JAK2: variants seen among roughly 807,000 people sequenced by gnomAD.
JAK2 encodes tyrosine-protein kinase JAK2.
Under a neutral mutation model 139.3 loss-of-function variants are expected in JAK2, and 86 were observed. The ratio of observed to expected loss-of-function variants is 0.62; its 90% CI spans 0.52 to 0.74. The LOEUF is 0.74. Ranked by LOEUF, JAK2 falls within the 30% of genes least tolerant of loss-of-function variation. The pLI is 0.00. For synonymous variants in JAK2, 490 were observed against 437.7 expected (o/e 1.12, Z -1.49); for missense variants, 1,421 against 1,360.3 (o/e 1.04, Z -0.70).
intron 2 of JAK2, among the ~76,000 whole-genome samples, chr9:4,999,303 A>G (rs1327494): frequency 0.25 from 37,758 of 152,170 alleles, 4,948 homozygotes; most frequent in South Asian, 0.32. Flanking sequence ...TGAAAGAATC[A>G]TGACATTGTA....
Position 5,064,995 on chromosome 9 carries a change from C to T in JAK2, c.1169C>T (p.Pro390Leu), listed in dbSNP as rs768074072. The T allele has an allele frequency of 1.2e-6, 2 of 1,608,456 alleles. No homozygotes were observed. Among genetic ancestry groups the T allele is most frequent in the Non-Finnish European group, 8.5e-7 (1 of 1,177,168 alleles). Residue 390 changes from proline (P) to leucine (L), a missense_variant, in exon 9 of 25, where the codon CCA becomes CTA. Coordinates refer to ENST00000381652, the MANE Select transcript of JAK2 (RefSeq NM_004972.4). ...HHYLCKEVAP[P>L]AVLENIQSNC... The stretch of plus-strand genomic sequence containing the variant: ...TACCTCTGTAAAGAAGTAGCACCTC[C>T]AGCCGTGCTTGAAAATATACAAAGC...
intron 2 of JAK2, among the ~76,000 whole-genome samples, chr9:5,019,186 A>T (rs1282207045): frequency 2.6e-5 from 4 of 152,128 alleles, no homozygotes; most frequent in African/African-American, 9.7e-5. Flanking sequence ...AGAATACTGA[A>T]AATTCTAATA....
At chr9:5,014,916 G>T (rs1299016383) in intron 2 of JAK2, among the ~76,000 whole-genome samples, 1 of 149,266 alleles carries the variant, frequency 6.7e-6, no homozygotes, top group African/African-American at 2.5e-5. Context: ...ACATTTCCTT[G>T]ATTTTTTATT....
chr9:5,020,397 C>A (rs1822338601), intron 2 of JAK2, among the ~76,000 whole-genome samples: 1 of 152,078 alleles, frequency 6.6e-6, no homozygotes, highest in Admixed American at 6.5e-5. Context: ...GTGAGAGTAT[C>A]CTCAGGCCCT....
chr9:5,057,587 T>C (rs1046925368), intron 8 of JAK2, among the ~76,000 whole-genome samples: 3 of 147,854 alleles, frequency 2.0e-5, no homozygotes, highest in East Asian at 1.9e-4. Context: ...TTTCTTTTTT[T>C]TTTTTTTTTT....
chr9:5,009,419 C>T (rs992267445), intron 2 of JAK2, among the ~76,000 whole-genome samples: 14 of 151,722 alleles, frequency 9.2e-5, no homozygotes, highest in African/African-American at 2.9e-4. Context: ...CCCAGGCTGT[C>T]TTCATTACTA....
chr9:5,103,221 C>CAAAAAAAAAAAAAAAAAAAA (rs56691830), intron 22 of JAK2, among the ~76,000 whole-genome samples: 1 of 6,874 alleles, frequency 1.5e-4, no homozygotes, highest in Non-Finnish European at 2.5e-4. Flanking sequence ...AAAGGGAAAG[C>CAAAAAAAAAAAAAAAAAAAA]AAAAAAAAAA....
At chr9:5,018,795 C>T (rs1822231515) in intron 2 of JAK2, among the ~76,000 whole-genome samples, 2 of 152,226 alleles carry the variant, frequency 1.3e-5, no homozygotes, top group Non-Finnish European at 2.9e-5. Flanking sequence ...GTATCCTTGA[C>T]TTGCAGGTTT....
chr9:5,069,843 C>T, intron 11 of JAK2, 82 bp from the exon 12 acceptor site: 1 of 835,564 alleles, frequency 1.2e-6, no homozygotes. Flanking sequence ...ATACGTAGAA[C>T]ACATTTCATT....
At chr9:5,059,879 A>G (rs1818033324) in intron 8 of JAK2, among the ~76,000 whole-genome samples, 2 of 152,094 alleles carry the variant, frequency 1.3e-5, no homozygotes, top group Admixed American at 1.3e-4. Flanking sequence ...TCTTTTGCAC[A>G]TTTTTCATTG....
intron 12 of JAK2, 65 bp downstream of exon 12, chr9:5,070,117 T>C: frequency 8.6e-7 from 1 of 1,159,576 alleles, no homozygotes; most frequent in Non-Finnish European, 1.2e-6. Context: ...TTTTCTTGAT[T>C]TACATTCATG....
At chr9:5,093,182 C>G (rs146655972) in intron 22 of JAK2, among the ~76,000 whole-genome samples, 1 of 152,282 alleles carries the variant, frequency 6.6e-6, no homozygotes, top group African/African-American at 2.4e-5. Flanking sequence ...AGATATTTTA[C>G]AATAAGCATC....
chr9:5,103,606 A>C (rs915081980), intron 22 of JAK2, among the ~76,000 whole-genome samples: 6 of 152,178 alleles, frequency 3.9e-5, no homozygotes, highest in Admixed American at 3.9e-4. Flanking sequence ...ACCCCAAATC[A>C]ACAGAATATA....
At chr9:5,099,664 C>T (rs1345340147) in intron 22 of JAK2, 2 of 152,194 alleles carry the variant, frequency 1.3e-5, no homozygotes, top group Non-Finnish European at 2.9e-5. Context: ...CTCTAGTCAT[C>T]AAATTAGTAA....
At position 5,128,943 on chromosome 9, in the gene JAK2, A is replaced by C. The variant is rs910160053; in HGVS notation, c.*2152A>C. On this transcript the variant is annotated 3_prime_UTR_variant, in exon 25 of 25. Transcript: ENST00000381652. ...ACTATTCCAGTATATTAAGTTATAC[A>C]ATCTTTATATAAATGACTTTTTCCA... Among the ~76,000 whole-genome samples, 1 of 152,020 alleles carries C rather than the reference A, an allele frequency of 6.6e-6. No individual in the cohort carries two copies. Among genetic ancestry groups the C allele is most frequent in the Non-Finnish European group, 1.5e-5 (1 of 67,896 alleles).
chr9:5,023,423 G>A (rs1291312401), intron 3 of JAK2, among the ~76,000 whole-genome samples: 3 of 152,116 alleles, frequency 2.0e-5, no homozygotes, highest in African/African-American at 7.2e-5. Flanking sequence ...TGCTGTAGCT[G>A]CTTAGGACTC....
chr9:5,127,073 T>A lies in JAK2; in HGVS notation c.*282T>A, dbSNP rs1478384616. 1 of 264,978 alleles carries A rather than the reference T, an allele frequency of 3.8e-6. No individual in the cohort carries two copies. Among genetic ancestry groups the A allele is most frequent in the Non-Finnish European group, 7.2e-6 (1 of 138,726 alleles). The allele number at this position is 264,978 out of a possible 1,614,324, so 16.4% of individuals were successfully genotyped here. On this transcript the variant is annotated 3_prime_UTR_variant, in exon 25 of 25. Transcript: ENST00000381652. ...CTCTTGTCTGGCAAAAGAAAAAAAA[T>A]AGACTTTTTCAACTCAGCTTTTTGA...
intron 2 of JAK2, among the ~76,000 whole-genome samples, chr9:4,995,869 A>C (rs1294848673): frequency 6.6e-6 from 1 of 152,008 alleles, no homozygotes; most frequent in Non-Finnish European, 1.5e-5. Context: ...CTTTATTGTG[A>C]AGTATTAAGT....
intron 2 of JAK2, among the ~76,000 whole-genome samples, chr9:4,999,026 C>T (rs1587805662): frequency 1.3e-5 from 2 of 151,894 alleles, no homozygotes; most frequent in South Asian, 2.1e-4. Flanking sequence ...GGGGTTTCAC[C>T]GTGTTAGCCA....
Sources: allele counts gnomAD v4.1 joint callset (sites outside exome capture counted in the v4.1 genomes callset), GRCh38; gene constraint gnomAD v4.1.1; transcripts MANE v1.5; gene names NCBI Gene and HGNC (gene_info 2026-07-23, HGNC 2026-07-21).